Variants in MBTD1 observed in about 807,000 individuals in gnomAD.
MBTD1 encodes the protein MBT domain-containing protein 1.
MBTD1 carries 24 observed loss-of-function variants against 87.8 expected under a neutral mutation model. The ratio of observed to expected loss-of-function variants is 0.27; its 90% CI spans 0.20 to 0.38. MBTD1 has a LOEUF of 0.38. Ranked by LOEUF, MBTD1 falls within the 10% of genes least tolerant of loss-of-function variation. The pLI is 1.00. For synonymous variants in MBTD1, 237 were observed against 248.6 expected (o/e 0.95, Z 0.44); for missense variants, 436 against 760.2 (o/e 0.57, Z 5.02).
At chr17:51,203,303 C>T (rs2051601538) in intron 8 of MBTD1, 75 bp from the exon 9 acceptor site, 2 of 773,944 alleles carry the variant, frequency 2.6e-6, no homozygotes, top group Non-Finnish European at 3.9e-6. Context: ...AAAAAAGTAA[C>T]AAATTTCCTT....
chr17:51,222,035 G>T (rs2052930278), intron 3 of MBTD1, among the ~76,000 whole-genome samples: 1 of 152,168 alleles, frequency 6.6e-6, no homozygotes, highest in South Asian at 2.1e-4. Flanking sequence ...AGAATAGATT[G>T]TTAAAGAACG....
chr17:51,220,444 C>T lies in MBTD1; in HGVS notation c.174G>A (p.Gly58=). 1 of 1,546,684 alleles carries T rather than the reference C, an allele frequency of 6.5e-7. No homozygotes were observed. The highest frequency in any genetic ancestry group is 8.7e-7 in the Non-Finnish European group (1 of 1,143,412). The stretch of plus-strand genomic sequence containing the variant: ...AAAAAGCATCTCGGACGCCAACCAT[C>T]CCACACATCTCACAGGTAGCTAATT... ...KSGMATCEMC[G]MVGVRDAFYS... The change falls in exon 4 of 17, where the codon GGG becomes GGA. Residue 58 remains glycine (G), a synonymous_variant. Transcript: ENST00000586178.
At position 51,180,579 on chromosome 17, in the gene MBTD1, T is replaced by C; in HGVS notation, c.1884A>G (p.Pro628=). The C allele has an allele frequency of 6.5e-7, 1 of 1,535,870 alleles. No individual in the cohort carries two copies. The highest frequency in any genetic ancestry group is 1.4e-5 in the African/African-American group (1 of 72,672). Residue 628 remains proline (P), a synonymous_variant, in exon 17 of 17, where the codon CCA becomes CCG. Coordinates refer to ENST00000586178, the MANE Select transcript of MBTD1 (RefSeq NM_017643.3). ...GSANFYIKQE[P] is the part of the protein sequence containing the mutation. ...CGCCCTCAGTTTCTAAGCCACCTCATGGCTCTTGTTTGATGTAGAAGTTGG... is the reference window on the plus strand; with the variant it reads ...CGCCCTCAGTTTCTAAGCCACCTCACGGCTCTTGTTTGATGTAGAAGTTGG...
chr17:51,252,296 A>C (rs2054832542), intron 2 of MBTD1, among the ~76,000 whole-genome samples: 1 of 152,150 alleles, frequency 6.6e-6, no homozygotes, highest in Non-Finnish European at 1.5e-5. Context: ...GACTATCTTA[A>C]AACGTTTTAA....
intron 2 of MBTD1, among the ~76,000 whole-genome samples, chr17:51,248,608 A>T (rs2054590377): frequency 6.6e-6 from 1 of 152,244 alleles, no homozygotes; most frequent in Admixed American, 6.5e-5. Flanking sequence ...ATTTTATATA[A>T]ATGGCATAAA....
chr17:51,260,896 C>T (rs14180), upstream of MBTD1: 160,496 of 1,595,308 alleles, frequency 0.1, 8,913 homozygotes, highest in East Asian at 0.12. Context: ...ACGACGAGGA[C>T]GCGTTGCTGC....
intron 2 of MBTD1, among the ~76,000 whole-genome samples, chr17:51,245,301 T>A (rs543393769): frequency 6.6e-6 from 1 of 152,358 alleles, no homozygotes; most frequent in South Asian, 2.1e-4. Context: ...TTCTTGGCAT[T>A]GAGAAATTTA....
intron 3 of MBTD1, among the ~76,000 whole-genome samples, chr17:51,224,701 A>G (rs2053113263): frequency 1.3e-5 from 2 of 152,350 alleles, no homozygotes; most frequent in African/African-American, 2.4e-5. Flanking sequence ...TTTCAATTTT[A>G]TAAGCCCATG....
At chr17:51,205,561 G>C (rs2051769441) in intron 7 of MBTD1, among the ~76,000 whole-genome samples, 2 of 152,126 alleles carry the variant, frequency 1.3e-5, no homozygotes, top group Non-Finnish European at 2.9e-5. Context: ...GAATTGACTT[G>C]GGTAGTAGTA....
At chr17:51,231,246 A>G (rs2053536183) in intron 2 of MBTD1, among the ~76,000 whole-genome samples, 1 of 152,090 alleles carries the variant, frequency 6.6e-6, no homozygotes, top group Middle Eastern at 3.2e-3. Context: ...GACCTTTTAT[A>G]TCTATAGTTT....
rs564828831 is a variant in MBTD1, at chr17:51,199,902, G to A, written c.1224+1690C>T. 2.0e-5 allele frequency among the ~76,000 whole-genome samples: 3 copies of A among 151,396 alleles called. No individual in the cohort carries two copies. In the East Asian group the frequency reaches 5.9e-4, roughly 30 times the overall value. ...TGCAGTGGCACCATCTTGGCTCACT[G>A]CAACCTCCACCTCCCGGGTTCAAGT... On this transcript the variant is annotated intron_variant, in intron 12 of 16. Transcript: ENST00000586178.
At chr17:51,251,065 AT>A (rs1218666318) in intron 2 of MBTD1, 1 of 152,110 alleles carries the variant, frequency 6.6e-6, no homozygotes, top group Non-Finnish European at 1.5e-5. Context: ...TATTTTTCAA[AT>A]CTCCAAACAT....
In MBTD1 at chr17:51,192,483, T is replaced by C; in HGVS notation, c.1691-203A>G. On this transcript the variant is annotated intron_variant, in intron 15 of 16. Transcript: ENST00000586178. Reference sequence around the variant, plus strand: ...TCCACTATTTACTCAAAAGCATTTATTACCTACCAATAAACTTTTAGTATG... The same window carrying C: ...TCCACTATTTACTCAAAAGCATTTACTACCTACCAATAAACTTTTAGTATG... 6.4e-6 allele frequency: 4 copies of C among 629,908 alleles called. No individual in the cohort carries two copies. The South Asian group carries it at 8.6e-5, about 14-fold the overall frequency. The allele number at this position is 629,908 out of a possible 1,614,324, so 39.0% of individuals were successfully genotyped here.
chr17:51,191,087 C>A (rs1002198995), intron 16 of MBTD1, among the ~76,000 whole-genome samples: 1 of 151,480 alleles, frequency 6.6e-6, no homozygotes, highest in South Asian at 2.1e-4. Flanking sequence ...AAGGCCTTGT[C>A]TCAAAAAAGA....
chr17:51,187,372 A>C (rs1383688420), intron 16 of MBTD1, among the ~76,000 whole-genome samples: 1 of 150,740 alleles, frequency 6.6e-6, no homozygotes, highest in African/African-American at 2.4e-5. Context: ...ACAGTGCTCC[A>C]GGCTGGGCAA....
At chr17:51,182,571 A>G (rs1233024186) in intron 16 of MBTD1, among the ~76,000 whole-genome samples, 1 of 152,204 alleles carries the variant, frequency 6.6e-6, no homozygotes, top group Non-Finnish European at 1.5e-5. Context: ...CTGACTGGCT[A>G]CTTACTACCC....
At chr17:51,198,444 T>C (rs1468485016) in intron 12 of MBTD1, among the ~76,000 whole-genome samples, 1 of 152,234 alleles carries the variant, frequency 6.6e-6, no homozygotes, top group African/African-American at 2.4e-5. Context: ...ATGGTAAACA[T>C]GTACACTAAA....
chr17:51,254,377 G>A (rs570442184), intron 2 of MBTD1, among the ~76,000 whole-genome samples: 112 of 152,262 alleles, frequency 7.4e-4, no homozygotes, highest in African/African-American at 2.5e-3. Flanking sequence ...GGATTACTGA[G>A]TTTTTATTTC....
At chr17:51,252,746 A>C (rs944576283) in intron 2 of MBTD1, among the ~76,000 whole-genome samples, 1 of 151,938 alleles carries the variant, frequency 6.6e-6, no homozygotes, top group Admixed American at 6.6e-5. Context: ...AAAAAAACAA[A>C]ACAACAAAAC....
Sources: allele counts gnomAD v4.1 joint callset (sites outside exome capture counted in the v4.1 genomes callset), GRCh38; gene constraint gnomAD v4.1.1; transcripts MANE v1.5; gene names NCBI Gene and HGNC (gene_info 2026-07-23, HGNC 2026-07-21).